Variants in DENND4C observed in about 807,000 individuals in gnomAD.
DENND4C encodes the protein DENN domain-containing protein 4C.
A neutral mutation model predicts 203.0 loss-of-function variants in DENND4C; 108 were observed. That is an observed-to-expected ratio of 0.53 (90% CI 0.46 to 0.62). DENND4C has a LOEUF of 0.62. Ranked by LOEUF, DENND4C falls within the 20% of genes least tolerant of loss-of-function variation. The pLI is 0.00. For synonymous variants in DENND4C, 871 were observed against 792.4 expected, an observed-to-expected ratio of 1.10 and a Z score of -1.67; for missense variants, 2,481 against 2,301.2, an observed-to-expected ratio of 1.08 and a Z score of -1.60.
chr9:19,369,553 G>C (rs1828355956), intron 30 of DENND4C, among the ~76,000 whole-genome samples: 1 of 152,040 alleles, frequency 6.6e-6, no homozygotes, highest in African/African-American at 2.4e-5. Context: ...GATTGCTTGA[G>C]CCCAGGAGTT....
intron 22 of DENND4C, among the ~76,000 whole-genome samples, chr9:19,345,629 TGAA>T (rs1822706166): frequency 6.6e-6 from 1 of 152,232 alleles, no homozygotes; most frequent in Non-Finnish European, 1.5e-5. Context: ...TGTATTTTAG[TGAA>T]GAACACAGGT....
In DENND4C at chr9:19,290,641, T is replaced by G. The variant is rs560647100; in HGVS notation, c.629-63T>G. The G allele has an allele frequency of 2.6e-6, 3 of 1,140,316 alleles. No individual in the cohort carries two copies. The East Asian group carries it at 8.1e-5, about 31-fold the overall frequency. The allele number at this position is 1,140,316 out of a possible 1,614,324, so 70.6% of individuals were successfully genotyped here. ...CATTAAAATATTCCATTAATACCTA[T>G]CATATGCAATTTATGGAAAAGTAAC... On this transcript the variant is annotated intron_variant, in intron 4 of 32. Coordinates refer to ENST00000434457, the MANE Select transcript of DENND4C (RefSeq NM_001330640.2).
intron 17 of DENND4C, among the ~76,000 whole-genome samples, chr9:19,334,334 A>G (rs1442967194): frequency 1.3e-5 from 2 of 152,006 alleles, no homozygotes; most frequent in Non-Finnish European, 2.9e-5. Context: ...TACAGGCATG[A>G]GCTACTGCTC....
At chr9:19,256,507 G>C (rs906481655) in intron 1 of DENND4C, among the ~76,000 whole-genome samples, 1 of 151,284 alleles carries the variant, frequency 6.6e-6, no homozygotes. Context: ...GAAGAGAGAG[G>C]TTTCTCTGTG....
chr9:19,305,557 A>T, intron 10 of DENND4C, 30 bp downstream of exon 10: 2 of 1,584,796 alleles, frequency 1.3e-6, no homozygotes, highest in South Asian at 2.3e-5. Context: ...ATTATCTCCC[A>T]TTTATATTTT....
Position 19,358,241 on chromosome 9 carries a change from G to T in DENND4C, c.5160+81G>T. On this transcript the variant is annotated intron_variant, in intron 28 of 32. Transcript: ENST00000434457. This position sits in a 1 kb window ranked among gnomAD's most constrained non-coding sequence, Gnocchi z 4.8. ...AGAACATTATAAATTCTTCTGTAGT[G>T]GACTTATTTTAATTACATGAAAAGT... 5 of 1,137,110 alleles carry T rather than the reference G, an allele frequency of 4.4e-6. No homozygotes were observed. Among genetic ancestry groups the T allele is most frequent in the South Asian group, 4.6e-5 (2 of 43,542 alleles). 70.4% of individuals were successfully genotyped at this position (1,137,110 alleles called of 1,614,324 possible). A position where few individuals can be genotyped will look rare whatever the true frequency, so the allele number is the denominator to read the frequency against.
At chr9:19,248,759 C>G (rs774298835) in intron 1 of DENND4C, among the ~76,000 whole-genome samples, 1 of 151,728 alleles carries the variant, frequency 6.6e-6, no homozygotes, top group Non-Finnish European at 1.5e-5. Flanking sequence ...CCCTCCCTTC[C>G]ACTTTCTCTC....
At chr9:19,234,108 T>C (rs1381562899) in intron 1 of DENND4C, among the ~76,000 whole-genome samples, 1 of 152,240 alleles carries the variant, frequency 6.6e-6, no homozygotes, top group East Asian at 1.9e-4. Flanking sequence ...TCCCTGTTGC[T>C]GTATATTACT....
At chr9:19,326,659 T>C (rs568122412) in intron 15 of DENND4C, among the ~76,000 whole-genome samples, 1 of 152,252 alleles carries the variant, frequency 6.6e-6, no homozygotes, top group South Asian at 2.1e-4. Context: ...ATAAATTTAA[T>C]AAACTTAGAA....
intron 9 of DENND4C, among the ~76,000 whole-genome samples, chr9:19,304,731 A>G (rs934624441): frequency 3.2e-5 from 4 of 125,900 alleles, no homozygotes; most frequent in African/African-American, 9.0e-5. Context: ...TTTTTTTTTT[A>G]GTAGAGACGG....
At chr9:19,245,443 G>T (rs1276368640) in intron 1 of DENND4C, among the ~76,000 whole-genome samples, 1 of 145,330 alleles carries the variant, frequency 6.9e-6, no homozygotes, top group Admixed American at 7.1e-5. Flanking sequence ...CTCCTGCCTG[G>T]GCGACAGAGT....
chr9:19,249,373 C>T (rs1826015719), intron 1 of DENND4C, among the ~76,000 whole-genome samples: 1 of 151,930 alleles, frequency 6.6e-6, no homozygotes, highest in Non-Finnish European at 1.5e-5. Flanking sequence ...CTGCCTCAGC[C>T]TCCCGAGTAG....
chr9:19,253,326 C>G (rs1254716418), intron 1 of DENND4C, among the ~76,000 whole-genome samples: 1 of 152,182 alleles, frequency 6.6e-6, no homozygotes, highest in Non-Finnish European at 1.5e-5. Context: ...AATATCATGC[C>G]CAACGCCTTT....
chr9:19,233,231 A>G (rs1466018327), intron 1 of DENND4C, among the ~76,000 whole-genome samples: 2 of 152,162 alleles, frequency 1.3e-5, no homozygotes, highest in African/African-American at 2.4e-5. Flanking sequence ...GCAAGGGCAG[A>G]TAAGCTTTCA....
At chr9:19,287,107 C>A in intron 3 of DENND4C, 86 bp downstream of exon 3, 1 of 1,126,524 alleles carries the variant, frequency 8.9e-7, no homozygotes, top group Non-Finnish European at 1.1e-6. Context: ...TGGGTATATA[C>A]TCACATTTTA....
chr9:19,309,754 T>C (rs965192946), intron 10 of DENND4C, among the ~76,000 whole-genome samples: 1 of 152,152 alleles, frequency 6.6e-6, no homozygotes, highest in Non-Finnish European at 1.5e-5. Flanking sequence ...TTTTTTTTAA[T>C]TGATATCGTA....
chr9:19,256,701 T>C (rs1263495645), intron 1 of DENND4C, among the ~76,000 whole-genome samples: 1 of 152,198 alleles, frequency 6.6e-6, no homozygotes, highest in Non-Finnish European at 1.5e-5. Flanking sequence ...ATTTGTAGTT[T>C]TTTAGTAAGA....
rs34261020 is a variant in DENND4C at position 19,304,048 on chromosome 9, T to TAA, written c.1312-1291_1312-1290dup. On this transcript the variant is annotated intron_variant, in intron 9 of 32. Coordinates refer to ENST00000434457, the MANE Select transcript of DENND4C (RefSeq NM_001330640.2). Reference sequence around the variant, plus strand: ...AAAAAACATCAAAACCTGTCTTTTTTAAAAAAAAAAAAAACCCACAAATGA... The same window carrying TAA: ...AAAAAACATCAAAACCTGTCTTTTTTAAAAAAAAAAAAAAAACCCACAAATGA... Among the ~76,000 whole-genome samples, 423 of 138,748 alleles carry TAA rather than the reference T, an allele frequency of 3.0e-3. 2 individuals are homozygous for TAA. The highest frequency in any genetic ancestry group is 9.2e-3 in the African/African-American group (355 of 38,418). 91.0% of individuals were successfully genotyped at this position (138,748 alleles called of 152,430 possible).
At position 19,280,384 on chromosome 9, in the gene DENND4C, A is replaced by T. The variant is rs561154891; in HGVS notation, c.305+3905A>T. The stretch of plus-strand genomic sequence containing the variant: ...CTGGTCTTGAACTCCTGACCTCGTG[A>T]TCCACCTGCCTCTGCCTCCCAAAGT... On this transcript the variant is annotated intron_variant, in intron 2 of 32. Transcript: ENST00000434457. Among the ~76,000 whole-genome samples the T allele has an allele frequency of 1.4e-3, 218 of 152,170 alleles. 1 individual carries two copies. Among genetic ancestry groups the T allele is most frequent in the African/African-American group, 4.9e-3 (202 of 41,540 alleles).
Sources: allele counts gnomAD v4.1 joint callset (sites outside exome capture counted in the v4.1 genomes callset), GRCh38; gene constraint gnomAD v4.1.1; non-coding constraint Gnocchi (gnomAD v3.1); transcripts MANE v1.5; gene names NCBI Gene and HGNC (gene_info 2026-07-23, HGNC 2026-07-21).